The following PKD1L1 variants were observed in gnomAD, a reference collection of about 807,000 sequenced individuals.
PKD1L1 encodes the protein polycystin 1 like 1, transient receptor potential channel interacting, also known as polycystin-1-like protein 1.
Under a neutral mutation model 323.4 loss-of-function variants are expected in PKD1L1, and 236 were observed. The observed-to-expected ratio is 0.73, with a 90% CI of 0.66 to 0.81. The LOEUF (loss-of-function observed/expected upper bound fraction) is 0.81, where lower values mean the gene tolerates loss of function less well. Among genes scored for constraint, PKD1L1 ranks in the 40% least tolerant of loss-of-function variants. The pLI, the probability that PKD1L1 is intolerant of heterozygous loss-of-function variation, is 0.00. For synonymous variants in PKD1L1, 1,344 were observed against 1,335.0 expected, an observed-to-expected ratio of 1.01 and a Z score of -0.15; for missense variants, 3,320 against 3,508.0, an observed-to-expected ratio of 0.95 and a Z score of 1.35.
intron 40 of PKD1L1, among the ~76,000 whole-genome samples, chr7:47,833,464 T>C (rs1785391683): frequency 6.6e-6 from 1 of 151,928 alleles, no homozygotes; most frequent in African/African-American, 2.4e-5. Context: ...TGGGTGCCCC[T>C]GGGGAAATGT....
At position 47,931,142 on chromosome 7, in the gene PKD1L1, G is replaced by C. The variant is rs1787762849; in HGVS notation, c.699C>G (p.Pro233=). The part of the protein sequence containing the change: ...RPTQTSSQRV[P]LWPISHFPTS... ...TGGGAAAATGTGAAATCGGCCACAG[G>C]GGCACTCGCTGGGAGCTGGTCTGAG... The change falls in exon 6 of 57, where the codon CCC becomes CCG. Residue 233 remains proline, a synonymous_variant. Coordinates refer to ENST00000289672, the MANE Select transcript of PKD1L1 (RefSeq NM_138295.5). 2 of 1,614,062 alleles carry C rather than the reference G, an allele frequency of 1.2e-6. No individual in the cohort carries two copies. Among genetic ancestry groups the C allele is most frequent in the Admixed American group, 1.7e-5 (1 of 60,002 alleles).
intron 56 of PKD1L1, among the ~76,000 whole-genome samples, chr7:47,784,724 CA>C (rs1786770614): frequency 6.6e-6 from 1 of 152,172 alleles, no homozygotes; most frequent in South Asian, 2.1e-4. Flanking sequence ...CCGCCCATCT[CA>C]GCCTCCCAAA....
At chr7:47,819,942 T>TA (rs1769888523) in intron 46 of PKD1L1, 1 of 231,156 alleles carries the variant, frequency 4.3e-6, no homozygotes, top group Non-Finnish European at 8.4e-6. Context: ...AACACACTGA[T>TA]AGAGTTGCTG....
chr7:47,882,601 C>G (rs6975406), intron 19 of PKD1L1, among the ~76,000 whole-genome samples: 112,083 of 151,486 alleles, frequency 0.74, 41,719 homozygotes, highest in Middle Eastern at 0.82. Context: ...TAGAAGGAGC[C>G]CTTCAAGCAT....
At chr7:47,800,508 G>A in intron 54 of PKD1L1, 141 bp downstream of exon 54, 1 of 847,728 alleles carries the variant, frequency 1.2e-6, no homozygotes, top group East Asian at 2.7e-5. Context: ...CCCAGGGCAG[G>A]TGAGCTGGAC....
chr7:47,831,170 C>T, intron 42 of PKD1L1, 47 bp downstream of exon 42: 1 of 1,579,138 alleles, frequency 6.3e-7, no homozygotes, highest in Non-Finnish European at 8.6e-7. Flanking sequence ...AAATGCGAGA[C>T]TTTCCATCTG....
intron 41 of PKD1L1, 29 bp downstream of exon 41, chr7:47,833,061 A>AG (rs1384885570): frequency 1.3e-6 from 2 of 1,594,552 alleles, no homozygotes; most frequent in Non-Finnish European, 1.7e-6. Flanking sequence ...ACTGGCAGGA[A>AG]GGGGGCTGTG....
At chr7:47,902,805 CTTCT>C (rs1787121123) in intron 12 of PKD1L1, among the ~76,000 whole-genome samples, 1 of 152,196 alleles carries the variant, frequency 6.6e-6, no homozygotes, top group African/African-American at 2.4e-5. Flanking sequence ...ATGTTGCTTC[CTTCT>C]TTGGGCAACC....
At chr7:47,900,444 GA>G (rs1375865353) in intron 13 of PKD1L1, among the ~76,000 whole-genome samples, 1 of 152,206 alleles carries the variant, frequency 6.6e-6, no homozygotes, top group East Asian at 1.9e-4. Flanking sequence ...TGTAGTGATA[GA>G]AAACCGGAAA....
At chr7:47,879,765 C>G (rs1396296648) in intron 21 of PKD1L1, among the ~76,000 whole-genome samples, 4 of 148,114 alleles carry the variant, frequency 2.7e-5, no homozygotes, top group Non-Finnish European at 5.9e-5. Flanking sequence ...AACCCCATCT[C>G]TACTAAAAAT....
chr7:47,955,156 G>A, the PKD1L1 span, among the ~76,000 whole-genome samples: 1 of 152,196 alleles, frequency 6.6e-6, no homozygotes, highest in Non-Finnish European at 1.5e-5. Context: ...ATGGTAAAAA[G>A]AGATGATTCT....
At chr7:47,779,462 A>G (rs1435417195) in intron 56 of PKD1L1, among the ~76,000 whole-genome samples, 6 of 152,228 alleles carry the variant, frequency 3.9e-5, no homozygotes, top group African/African-American at 1.2e-4. Context: ...GGAGTAGGCC[A>G]TAACTCAGGC....
At chr7:47,900,568 A>T (rs1157710053) in intron 13 of PKD1L1, among the ~76,000 whole-genome samples, 1 of 152,048 alleles carries the variant, frequency 6.6e-6, no homozygotes, top group Non-Finnish European at 1.5e-5. Flanking sequence ...ATCTCTACTA[A>T]AAATACAAAA....
intron 40 of PKD1L1, 85 bp downstream of exon 40, chr7:47,834,254 C>T (rs1785408612): frequency 3.6e-6 from 5 of 1,387,598 alleles, no homozygotes; most frequent in Non-Finnish European, 5.1e-6. Flanking sequence ...ATGGCCAGAC[C>T]ATAGCCAAGG....
At chr7:47,829,967 A>C in intron 43 of PKD1L1, 73 bp downstream of exon 43, 1 of 1,382,078 alleles carries the variant, frequency 7.2e-7, no homozygotes, top group South Asian at 1.2e-5. Context: ...ACCAAAATGA[A>C]GCCTCTATTT....
chr7:47,815,267 C>T, intron 47 of PKD1L1, 67 bp downstream of exon 47: 1 of 1,564,224 alleles, frequency 6.4e-7, no homozygotes, highest in East Asian at 2.3e-5. Context: ...GCATTAGTGA[C>T]TGTTTCACCC....
rs574522886 is a variant in PKD1L1 at position 47,948,046 on chromosome 7, G to C, written c.44+351C>G. On this transcript the variant is annotated intron_variant, in intron 1 of 56. Transcript: ENST00000289672. ...CAGGTTTCTCCTGGTCTCCATGCAA[G>C]GGACCTAGCAGACAAGCAGATAGCT... is the stretch of plus-strand genomic sequence containing the variant. Among the ~76,000 whole-genome samples, 55 of 152,304 alleles carry C rather than the reference G, an allele frequency of 3.6e-4. No homozygotes were observed. In the South Asian group the frequency reaches 0.011, roughly 30 times the overall value.
At chr7:47,796,180 T>C in intron 54 of PKD1L1, 30 bp from the exon 55 acceptor site, 1 of 1,530,918 alleles carries the variant, frequency 6.5e-7, no homozygotes, top group South Asian at 1.2e-5. Context: ...AAAGACAAAT[T>C]TCATGTTAGC....
chr7:47,837,447 C>T (rs1785483087), intron 36 of PKD1L1, among the ~76,000 whole-genome samples: 1 of 152,160 alleles, frequency 6.6e-6, no homozygotes, highest in East Asian at 1.9e-4. Context: ...CCTGGCCTTC[C>T]TCTGGCACCT....
Sources: gnomAD v4.1 joint callset for allele counts (sites outside exome capture counted in the v4.1 genomes callset) on GRCh38, gnomAD v4.1.1 for gene constraint, MANE v1.5 for transcripts, NCBI Gene and HGNC (gene_info 2026-07-23, HGNC 2026-07-21) for gene names.